The following CHIA variants were observed in gnomAD, a reference collection of about 807,000 sequenced individuals.
CHIA encodes acidic mammalian chitinase.
In CHIA, 47 loss-of-function variants were observed where a neutral mutation model predicts 53.5. The ratio of observed to expected loss-of-function variants is 0.88; its 90% CI spans 0.70 to 1.12. The LOEUF (loss-of-function observed/expected upper bound fraction) is 1.12, where lower values mean the gene tolerates loss of function less well. CHIA is among the 50% of genes most tolerant of loss of function. The pLI is 0.00. For synonymous variants in CHIA, 268 were observed against 222.2 expected, an observed-to-expected ratio of 1.21 and a Z score of -1.83; for missense variants, 652 against 592.2, an observed-to-expected ratio of 1.10 and a Z score of -1.05.
rs148514510 is a variant in CHIA at position 111,295,248 on chromosome 1, A to G, written c.-69+4298A>G. On this transcript the variant is annotated intron_variant, in intron 1 of 11. Coordinates refer to ENST00000369740, the MANE Select transcript of CHIA (RefSeq NM_201653.4). ...CAGGCTGGAATGCAGTGGCACAATC[A>G]CAGCTCACTGCAGCCTCAACTTCCC... is the stretch of plus-strand genomic sequence containing the variant. 5.1e-4 allele frequency among the ~76,000 whole-genome samples: 78 copies of G among 152,230 alleles called. 1 individual carries two copies. The East Asian group carries it at 0.014, about 27-fold the overall frequency.
chr1:111,317,330 T>C lies in CHIA; in HGVS notation c.481-351T>C, dbSNP rs149164880. On this transcript the variant is annotated intron_variant, in intron 6 of 11. Coordinates refer to ENST00000369740, the MANE Select transcript of CHIA (RefSeq NM_201653.4). ...TAGTTCATCTACTTTATGAAACAAA[T>C]TTCTATACTGCTGGATGTAGGGTAT... The C allele has an allele frequency of 2.5e-5, 5 of 203,404 alleles. No individual in the cohort carries two copies. The Admixed American group carries it at 2.5e-4, about 10-fold the overall frequency. The allele number at this position is 203,404 out of a possible 1,614,324, so 12.6% of individuals were successfully genotyped here.
At chr1:111,315,734 A>G (rs1345933079) in intron 6 of CHIA, 2 of 481,234 alleles carry the variant, frequency 4.2e-6, no homozygotes, top group African/African-American at 3.9e-5. Flanking sequence ...TATTTTACAG[A>G]TGAGGAAACT....
At position 111,315,861 on chromosome 1, in the gene CHIA, C is replaced by T. The variant is rs72693264; in HGVS notation, c.480+426C>T. 1,693 of 456,180 alleles carry T rather than the reference C, an allele frequency of 3.7e-3. 3 individuals carry two copies. Among genetic ancestry groups the T allele is most frequent in the Non-Finnish European group, 6.4e-3 (1,459 of 227,060 alleles). The allele number at this position is 456,180 out of a possible 1,614,324, so 28.3% of individuals were successfully genotyped here. A position where few individuals can be genotyped will look rare whatever the true frequency, so the allele number is the denominator to read the frequency against. On this transcript the variant is annotated intron_variant, in intron 6 of 11. Transcript: ENST00000369740. ...CTTCTAAGCATTACACTAGGCTGCC[C>T]GTTATTACTGAGTACATATTCTGTG...
intron 1 of CHIA, among the ~76,000 whole-genome samples, chr1:111,302,351 A>T (rs1358679089): frequency 1.3e-5 from 2 of 151,940 alleles, no homozygotes; most frequent in African/African-American, 4.8e-5. Flanking sequence ...TAGATTGTCA[A>T]TTTGACATTT....
intron 1 of CHIA, among the ~76,000 whole-genome samples, chr1:111,301,033 C>T (rs1186810385): frequency 1.3e-5 from 2 of 152,198 alleles, no homozygotes; most frequent in South Asian, 2.1e-4. Flanking sequence ...CACTGAGATA[C>T]TATCTCATGC....
At chr1:111,297,389 C>T (rs1284801392) in intron 1 of CHIA, among the ~76,000 whole-genome samples, 1 of 152,204 alleles carries the variant, frequency 6.6e-6, no homozygotes, top group Non-Finnish European at 1.5e-5. Context: ...TGCAGAAACT[C>T]TACAAGCCAG....
At chr1:111,314,005 G>T (rs1657635004) in intron 4 of CHIA, among the ~76,000 whole-genome samples, 1 of 152,166 alleles carries the variant, frequency 6.6e-6, no homozygotes, top group South Asian at 2.1e-4. Context: ...ACCTGAGTAA[G>T]TGTTAGTCCC....
intron 1 of CHIA, among the ~76,000 whole-genome samples, chr1:111,305,050 C>T (rs1442148778): frequency 6.6e-6 from 1 of 152,104 alleles, no homozygotes; most frequent in Non-Finnish European, 1.5e-5. Context: ...GGTCACTGCA[C>T]TTGGCTTTGG....
rs527737477 is a variant in CHIA, at chr1:111,320,415, C to T, written c.1380C>T (p.Cys460=). Residue 460 remains cysteine (C), a synonymous_variant, in exon 12 of 12, where the codon TGC becomes TGT. Coordinates refer to ENST00000369740, the MANE Select transcript of CHIA (RefSeq NM_201653.4). ...CVNGVTYQQN[C]QAGLVFDTSC... is the part of the protein sequence containing the mutation. ...ATGGAGTCACGTACCAGCAGAACTG[C>T]CAGGCCGGGCTTGTCTTCGACACCA... is the stretch of plus-strand genomic sequence containing the variant. The T allele has an allele frequency of 1.7e-4, 278 of 1,614,146 alleles. 4 individuals carry two copies. In the South Asian group the frequency reaches 2.9e-3, roughly 17 times the overall value.
intron 1 of CHIA, 134 bp from the exon 2 acceptor site, chr1:111,310,266 G>T: frequency 9.6e-7 from 1 of 1,043,528 alleles, no homozygotes; most frequent in Non-Finnish European, 1.3e-6. Flanking sequence ...TGTCCTTGTT[G>T]GGCAGAGAAG....
intron 7 of CHIA, 26 bp from the exon 8 acceptor site, chr1:111,317,960 A>G: frequency 6.2e-7 from 1 of 1,613,970 alleles, no homozygotes; most frequent in Non-Finnish European, 8.5e-7. Context: ...CATCAGAATG[A>G]TTTTAAATCC....
rs1197692231 is a variant in CHIA at position 111,312,329 on chromosome 1, G to A, written c.195G>A (p.Glu65=). 10 of 1,614,014 alleles carry A rather than the reference G, an allele frequency of 6.2e-6. No homozygotes were observed. Among genetic ancestry groups the A allele is most frequent in the Non-Finnish European group, 8.5e-6 (10 of 1,180,018 alleles). Residue 65 remains glutamate (E), a synonymous_variant, in exon 4 of 12, where the codon GAG becomes GAA. Transcript: ENST00000369740. ...CCTTTGCTGGGAGGCAGAACAACGA[G>A]ATCACCACCATCGAATGGAATGATG... ...IYAFAGRQNN[E]ITTIEWNDVT... is the part of the protein sequence containing the mutation.
intron 1 of CHIA, among the ~76,000 whole-genome samples, chr1:111,309,014 A>G (rs1571285242): frequency 6.6e-6 from 1 of 152,172 alleles, no homozygotes; most frequent in Admixed American, 6.5e-5. Context: ...AACACACACT[A>G]GGGCCTGTCA....
At chr1:111,310,537 T>C in intron 2 of CHIA, 45 bp downstream of exon 2, 1 of 1,613,628 alleles carries the variant, frequency 6.2e-7, no homozygotes, top group Non-Finnish European at 8.5e-7. Context: ...ATCTAGTTTC[T>C]TTTTCTCTCA....
At chr1:111,305,943 C>T (rs1473570047) in intron 1 of CHIA, among the ~76,000 whole-genome samples, 1 of 151,996 alleles carries the variant, frequency 6.6e-6, no homozygotes, top group Non-Finnish European at 1.5e-5. Flanking sequence ...TTTATAGAAA[C>T]AAGTAATAAA....
rs141939584 is a variant in CHIA at position 111,313,749 on chromosome 1, C to T, written c.258-791C>T. On this transcript the variant is annotated intron_variant, in intron 4 of 11. Transcript: ENST00000369740. ...TCTTGGAGCTTTTTTTTAAGGTTTT[C>T]TTTCAGTAGTTTTACAATTTGAGGT... Among the ~76,000 whole-genome samples the T allele has an allele frequency of 9.5e-3, 1,447 of 152,060 alleles. 23 individuals carry two copies. The highest frequency in any genetic ancestry group is 0.033 in the African/African-American group (1,356 of 41,464).
At chr1:111,306,551 A>C (rs1409813002) in intron 1 of CHIA, among the ~76,000 whole-genome samples, 2 of 152,312 alleles carry the variant, frequency 1.3e-5, no homozygotes, top group African/African-American at 4.8e-5. Flanking sequence ...GAAATTTTTC[A>C]AATAAGATTC....
At chr1:111,314,906 C>T (rs985611553) in intron 5 of CHIA, 3 of 386,546 alleles carry the variant, frequency 7.8e-6, no homozygotes, top group African/African-American at 4.1e-5. Flanking sequence ...TAATGCTTCC[C>T]TCTATTTATC....
At chr1:111,312,844 A>G (rs977286533) in intron 4 of CHIA, among the ~76,000 whole-genome samples, 2 of 150,898 alleles carry the variant, frequency 1.3e-5, no homozygotes, top group Non-Finnish European at 2.9e-5. Flanking sequence ...CCATTCTACT[A>G]TATACTTCTA....
Sources: allele counts gnomAD v4.1 joint callset (sites outside exome capture counted in the v4.1 genomes callset), GRCh38; gene constraint gnomAD v4.1.1; transcripts MANE v1.5; gene names NCBI Gene and HGNC (gene_info 2026-07-23, HGNC 2026-07-21).